Variants in PAPPA observed in about 807,000 individuals in gnomAD.
PAPPA encodes pappalysin 1, also known as pappalysin-1.
Under a neutral mutation model 164.0 loss-of-function variants are expected in PAPPA, and 60 were observed. That is an observed-to-expected ratio of 0.37 (90% CI 0.30 to 0.45). The LOEUF (loss-of-function observed/expected upper bound fraction) is 0.45. Among genes scored for constraint, PAPPA ranks in the 20% least tolerant of loss-of-function variants. PAPPA has a pLI of 1.00. For missense variants in PAPPA, 1,782 were observed against 2,087.3 expected, an observed-to-expected ratio of 0.85 and a Z score of 2.85; for synonymous variants, 875 against 814.1, an observed-to-expected ratio of 1.07 and a Z score of -1.27.
At chr9:116,297,937 T>C (rs1845529552) in intron 9 of PAPPA, among the ~76,000 whole-genome samples, 1 of 152,208 alleles carries the variant, frequency 6.6e-6, no homozygotes, top group Admixed American at 6.5e-5. Flanking sequence ...TTTCATTTTA[T>C]ATATGGGGAA....
intron 10 of PAPPA, among the ~76,000 whole-genome samples, chr9:116,316,083 TC>T (rs1845784553): frequency 6.6e-6 from 1 of 152,152 alleles, no homozygotes; most frequent in South Asian, 2.1e-4. Flanking sequence ...CAGAACCATG[TC>T]CCTCTACAGC....
intron 6 of PAPPA, 131 bp downstream of exon 6, chr9:116,227,683 A>G (rs751670560): frequency 1.8e-5 from 18 of 976,346 alleles, no homozygotes; most frequent in Non-Finnish European, 2.5e-5. Flanking sequence ...ATCATCCTGC[A>G]AGGTTAGTAG....
intron 17 of PAPPA, among the ~76,000 whole-genome samples, chr9:116,357,452 A>G (rs903528021): frequency 1.3e-5 from 2 of 152,140 alleles, no homozygotes; most frequent in Admixed American, 1.3e-4. Flanking sequence ...CTCTCTTTTG[A>G]CAGCTCACAA....
At chr9:116,185,340 A>T (rs1227048679) in intron 1 of PAPPA, among the ~76,000 whole-genome samples, 1 of 149,918 alleles carries the variant, frequency 6.7e-6, no homozygotes, top group Non-Finnish European at 1.5e-5. Flanking sequence ...ATTGGCATAG[A>T]TGCTGGTCCA....
At chr9:116,286,026 T>C (rs1845334518) in intron 9 of PAPPA, 1 of 152,076 alleles carries the variant, frequency 6.6e-6, no homozygotes. Flanking sequence ...ATCCAAATCC[T>C]AGTTCCCCCA....
chr9:116,227,065 C>T (rs1221664543), intron 5 of PAPPA, among the ~76,000 whole-genome samples: 6 of 152,174 alleles, frequency 3.9e-5, no homozygotes, highest in East Asian at 3.9e-4. Context: ...ACTTTGAGAA[C>T]GAAATGGAGC....
At chr9:116,298,136 GA>G (rs1845531805) in intron 9 of PAPPA, among the ~76,000 whole-genome samples, 1 of 152,144 alleles carries the variant, frequency 6.6e-6, no homozygotes, top group Non-Finnish European at 1.5e-5. Flanking sequence ...TTTCAAATGG[GA>G]ATAACGATCT....
chr9:116,243,408 A>C (rs1226050480), intron 7 of PAPPA, among the ~76,000 whole-genome samples: 1 of 152,238 alleles, frequency 6.6e-6, no homozygotes, highest in Non-Finnish European at 1.5e-5. Context: ...ATATATGCTC[A>C]GTACTTTTTT....
chr9:116,252,545 T>C (rs573068058), intron 7 of PAPPA, among the ~76,000 whole-genome samples: 1 of 152,282 alleles, frequency 6.6e-6, no homozygotes, highest in African/African-American at 2.4e-5. Flanking sequence ...AGAGGGAAGA[T>C]GGGTGTGGTG....
chr9:116,316,213 A>T (rs551788969), intron 10 of PAPPA: 1 of 152,360 alleles, frequency 6.6e-6, no homozygotes, highest in African/African-American at 2.4e-5. Context: ...ATGCTACAAC[A>T]TAGGTACCAT....
chr9:116,267,409 A>G (rs976253867), intron 8 of PAPPA, among the ~76,000 whole-genome samples: 1 of 152,238 alleles, frequency 6.6e-6, no homozygotes, highest in Admixed American at 6.5e-5. Context: ...ATTTAACATT[A>G]AAGGCAATAG....
At chr9:116,232,292 C>A (rs1294049099) in intron 6 of PAPPA, among the ~76,000 whole-genome samples, 1 of 152,164 alleles carries the variant, frequency 6.6e-6, no homozygotes, top group Non-Finnish European at 1.5e-5. Flanking sequence ...GCTTGGAATA[C>A]CTCCTCTTAC....
chr9:116,154,271 G>C lies in PAPPA; in HGVS notation c.99G>C (p.Arg33=). The C allele has an allele frequency of 4.6e-6, 5 of 1,081,904 alleles. No individual in the cohort carries two copies. Among genetic ancestry groups the C allele is most frequent in the Non-Finnish European group, 5.6e-6 (5 of 893,362 alleles). 67.0% of individuals were successfully genotyped at this position (1,081,904 alleles called of 1,614,324 possible). ...ERPRRARRDP[R]AGRPPRPAAG... is the part of the protein sequence containing the mutation. Reference sequence around the variant, plus strand: ...CCCGCCGGGCCCGGAGAGACCCGCGGGCCGGCCGACCCCCGCGCCCCGCCG... The same window carrying C: ...CCCGCCGGGCCCGGAGAGACCCGCGCGCCGGCCGACCCCCGCGCCCCGCCG... The change falls in exon 1 of 22, where the codon CGG becomes CGC. Residue 33 remains arginine (R), a synonymous_variant. Transcript: ENST00000328252. The surrounding 1 kb of genome is among the most constrained non-coding windows in gnomAD (Gnocchi z 5.2).
chr9:116,210,151 C>A (rs2859736), intron 3 of PAPPA, among the ~76,000 whole-genome samples: 1 of 152,130 alleles, frequency 6.6e-6, no homozygotes, highest in South Asian at 2.1e-4. Flanking sequence ...TCCTCCCTGC[C>A]TCTGCCTGCC....
At chr9:116,309,130 C>T (rs1845683846) in intron 10 of PAPPA, among the ~76,000 whole-genome samples, 1 of 151,252 alleles carries the variant, frequency 6.6e-6, no homozygotes, top group African/African-American at 2.4e-5. Flanking sequence ...GGCTGAAGTG[C>T]GGTGGCACAA....
chr9:116,271,383 T>G lies in PAPPA; in HGVS notation c.2920T>G (p.Phe974Val). 6.2e-7 allele frequency: 1 copy of G among 1,613,948 alleles called. No individual in the cohort carries two copies. The highest frequency in any genetic ancestry group is 8.5e-7 in the Non-Finnish European group (1 of 1,179,794). The stretch of plus-strand genomic sequence containing the variant: ...GATCAATGGTGATGGCTGCTCCCTT[T>G]TCTGCCGACAAGAAGTCTCCTTCAA... ...NKINGDGCSLFCRQEVSFNCI... is the reference protein window; with the variant it reads ...NKINGDGCSLVCRQEVSFNCI... Residue 974 changes from phenylalanine (F) to valine (V), a missense_variant, in exon 9 of 22, where the codon TTC becomes GTC. Phe to Val is a conservative substitution (Grantham distance 50). Coordinates refer to ENST00000328252, the MANE Select transcript of PAPPA (RefSeq NM_002581.5). The surrounding 1 kb of genome is among the most constrained non-coding windows in gnomAD (Gnocchi z 4.2).
chr9:116,229,003 T>G (rs1203022799), intron 6 of PAPPA, among the ~76,000 whole-genome samples: 4 of 152,096 alleles, frequency 2.6e-5, no homozygotes, highest in Non-Finnish European at 4.4e-5. Flanking sequence ...CTTGGGCACA[T>G]GGGCAAGGCA....
intron 1 of PAPPA, among the ~76,000 whole-genome samples, chr9:116,169,858 A>T (rs1843756981): frequency 6.6e-6 from 1 of 151,940 alleles, no homozygotes; most frequent in Non-Finnish European, 1.5e-5. Context: ...GGATTGCATG[A>T]GGCCAAGAGT....
At position 116,314,223 on chromosome 9, in the gene PAPPA, A is replaced by C. The variant is rs184012268; in HGVS notation, c.3147+11273A>C. Among the ~76,000 whole-genome samples the C allele has an allele frequency of 2.4e-4, 37 of 151,168 alleles. No individual in the cohort carries two copies. In the East Asian group the frequency reaches 6.8e-3, roughly 28 times the overall value. ...GTAGCTGGGACTACAGGCACACACC[A>C]CCACATCCAACTAATTTTTGTATTT... On this transcript the variant is annotated intron_variant, in intron 10 of 21. Coordinates refer to ENST00000328252, the MANE Select transcript of PAPPA (RefSeq NM_002581.5).
Sources: allele counts gnomAD v4.1 joint callset (sites outside exome capture counted in the v4.1 genomes callset), GRCh38; gene constraint gnomAD v4.1.1; non-coding constraint Gnocchi (gnomAD v3.1); transcripts MANE v1.5; gene names NCBI Gene and HGNC (gene_info 2026-07-23, HGNC 2026-07-21).